NRF1: variants seen among roughly 807,000 people sequenced by gnomAD.
NRF1 encodes alpha palindromic-binding protein.
A neutral mutation model predicts 58.5 loss-of-function variants in NRF1; 5 were observed. The ratio of observed to expected loss-of-function variants is 0.09; its 90% CI spans 0.04 to 0.18. The LOEUF is 0.18. Among genes scored for constraint, NRF1 ranks in the 10% least tolerant of loss-of-function variants. The probability of loss-of-function intolerance (pLI) is 1.00; values close to 1 mark genes in which losing one functional copy is unlikely to be tolerated. For missense variants in NRF1, 288 were observed against 657.7 expected (o/e 0.44, Z 6.15); for synonymous variants, 224 against 246.7 (o/e 0.91, Z 0.86).
rs373825770 is a variant in NRF1 at position 129,683,168 on chromosome 7, G to A, written c.465+5410G>A. Among the ~76,000 whole-genome samples the A allele has an allele frequency of 3.3e-5, 5 of 152,082 alleles. No individual in the cohort carries two copies. The East Asian group carries it at 5.8e-4, about 18-fold the overall frequency. ...TTTGCCTGCCTTGGCCTCCCAAAGC[G>A]TTGGGATTATAGGTGTGAGCCACCA... is the stretch of plus-strand genomic sequence containing the variant. On this transcript the variant is annotated intron_variant, in intron 4 of 10. Coordinates refer to ENST00000393232, the MANE Select transcript of NRF1 (RefSeq NM_005011.5).
At chr7:129,640,885 CA>C (rs1801274371) in intron 1 of NRF1, among the ~76,000 whole-genome samples, 2 of 152,166 alleles carry the variant, frequency 1.3e-5, no homozygotes, top group Non-Finnish European at 2.9e-5. Context: ...GCTCTGTGGA[CA>C]GTTGGATTTG....
chr7:129,718,508 GA>G (rs1803242361), intron 9 of NRF1, among the ~76,000 whole-genome samples: 1 of 152,154 alleles, frequency 6.6e-6, no homozygotes, highest in Non-Finnish European at 1.5e-5. Flanking sequence ...ATAGAGAATA[GA>G]GTGCTCTAGC....
chr7:129,687,635 C>T (rs192261146), intron 4 of NRF1, among the ~76,000 whole-genome samples: 5 of 152,282 alleles, frequency 3.3e-5, no homozygotes, highest in African/African-American at 1.2e-4. Context: ...AGCCAAGACT[C>T]ACATTCTCTT....
chr7:129,663,049 G>A (rs905089702), intron 2 of NRF1, among the ~76,000 whole-genome samples: 2 of 152,226 alleles, frequency 1.3e-5, no homozygotes, highest in South Asian at 2.1e-4. Flanking sequence ...CACAGCACAT[G>A]TTTCAGAGAG....
chr7:129,754,550 A>G (rs1284929712), intron 10 of NRF1, among the ~76,000 whole-genome samples: 2 of 149,650 alleles, frequency 1.3e-5, no homozygotes, highest in Non-Finnish European at 3.0e-5. Flanking sequence ...GAGTCTGGGG[A>G]AGGGTTGGGG....
chr7:129,637,288 A>T (rs1161062138), intron 1 of NRF1, among the ~76,000 whole-genome samples: 1 of 151,904 alleles, frequency 6.6e-6, no homozygotes, highest in Non-Finnish European at 1.5e-5. Flanking sequence ...TTCATTGGAA[A>T]CCCCTGCAAA....
At chr7:129,658,094 G>A (rs1333744360) in intron 2 of NRF1, among the ~76,000 whole-genome samples, 3 of 152,080 alleles carry the variant, frequency 2.0e-5, no homozygotes, top group African/African-American at 7.2e-5. Context: ...TCACTGACAT[G>A]TATTTAGATT....
intron 2 of NRF1, among the ~76,000 whole-genome samples, chr7:129,661,728 C>T (rs1359663195): frequency 6.6e-6 from 1 of 150,932 alleles, no homozygotes; most frequent in Non-Finnish European, 1.5e-5. Context: ...CCAAACTTTC[C>T]TACATTTTCC....
At chr7:129,613,907 G>A (rs1228521027) in intron 1 of NRF1, among the ~76,000 whole-genome samples, 2 of 152,088 alleles carry the variant, frequency 1.3e-5, no homozygotes, top group African/African-American at 4.8e-5. Context: ...GGGGACAAGA[G>A]CGAGACTTCA....
intron 10 of NRF1, among the ~76,000 whole-genome samples, chr7:129,737,984 A>T (rs1275562326): frequency 6.6e-6 from 1 of 152,186 alleles, no homozygotes; most frequent in African/African-American, 2.4e-5. Flanking sequence ...AAGGTCCCCA[A>T]AGAGCAGCAC....
At chr7:129,639,837 T>C in intron 1 of NRF1, among the ~76,000 whole-genome samples, 1 of 152,134 alleles carries the variant, frequency 6.6e-6, no homozygotes, top group Non-Finnish European at 1.5e-5. Flanking sequence ...CGTGAGCCAC[T>C]GCGCTCTTCC....
chr7:129,725,149 T>G (rs942568618), intron 9 of NRF1, among the ~76,000 whole-genome samples: 9 of 152,158 alleles, frequency 5.9e-5, no homozygotes, highest in African/African-American at 2.2e-4. Context: ...TGGTCCAGTT[T>G]AAAGTTCCAG....
At chr7:129,753,246 G>T (rs1479138361) in intron 10 of NRF1, among the ~76,000 whole-genome samples, 1 of 152,074 alleles carries the variant, frequency 6.6e-6, no homozygotes, top group African/African-American at 2.4e-5. Context: ...GGCCTCTCTG[G>T]GTCAGTTTCT....
intron 10 of NRF1, among the ~76,000 whole-genome samples, chr7:129,743,230 A>G (rs925284212): frequency 6.6e-6 from 1 of 151,800 alleles, no homozygotes; most frequent in African/African-American, 2.4e-5. Context: ...AATTTTAGGA[A>G]TGTCCACTTT....
rs1802216251 is a variant in NRF1, at chr7:129,677,765, C to T, written c.465+7C>T. On this transcript the variant is annotated splice_region_variant and intron_variant, in intron 4 of 10. Coordinates refer to ENST00000393232, the MANE Select transcript of NRF1 (RefSeq NM_005011.5). Reference sequence around the variant, plus strand: ...AGCACCTTTGGAGAATGTGGTAAGTCAGAACCAAGCTGTTCTCATTTGCCC... The same window carrying T: ...AGCACCTTTGGAGAATGTGGTAAGTTAGAACCAAGCTGTTCTCATTTGCCC... 6.2e-7 allele frequency: 1 copy of T among 1,613,020 alleles called. No individual in the cohort carries two copies. Among genetic ancestry groups the T allele is most frequent in the African/African-American group, 1.3e-5 (1 of 74,988 alleles).
At chr7:129,686,615 T>C (rs1338752093) in intron 4 of NRF1, among the ~76,000 whole-genome samples, 1 of 152,266 alleles carries the variant, frequency 6.6e-6, no homozygotes, top group East Asian at 1.9e-4. Context: ...AAGGATTATT[T>C]GAGACAACAC....
intron 1 of NRF1, among the ~76,000 whole-genome samples, chr7:129,645,461 T>C (rs538701084): frequency 1.3e-5 from 2 of 152,250 alleles, no homozygotes; most frequent in South Asian, 4.2e-4. Flanking sequence ...GAAAAAAGAA[T>C]GGTAACTCTA....
intron 10 of NRF1, among the ~76,000 whole-genome samples, chr7:129,731,171 C>T (rs879669545): frequency 6.6e-6 from 1 of 151,552 alleles, no homozygotes; most frequent in Non-Finnish European, 1.5e-5. Flanking sequence ...ATCGGGAGTT[C>T]CAGGCACGAG....
rs548881138 is a variant in NRF1 at position 129,723,131 on chromosome 7, T to C, written c.1224-4110T>C. Reference sequence around the variant, plus strand: ...ATTTATGTATCTTTTTCTTTTTTTTTCTCCGACATAGGTAATTAATAAAAT... The same window carrying C: ...ATTTATGTATCTTTTTCTTTTTTTTCCTCCGACATAGGTAATTAATAAAAT... On this transcript the variant is annotated intron_variant, in intron 9 of 10. Transcript: ENST00000393232. Among the ~76,000 whole-genome samples the C allele has an allele frequency of 1.3e-4, 20 of 152,288 alleles. No homozygotes were observed. In the East Asian group the frequency reaches 3.7e-3, roughly 28 times the overall value.
Sources: allele counts gnomAD v4.1 joint callset (sites outside exome capture counted in the v4.1 genomes callset), GRCh38; gene constraint gnomAD v4.1.1; transcripts MANE v1.5; gene names NCBI Gene and HGNC (gene_info 2026-07-23, HGNC 2026-07-21).